NEGR1: variants seen among roughly 807,000 people sequenced by gnomAD.
NEGR1 encodes neuronal growth regulator 1, also known as IgLON family member 4.
In NEGR1, 10 loss-of-function variants were observed where a neutral mutation model predicts 40.9. The ratio of observed to expected loss-of-function variants is 0.24; its 90% CI spans 0.15 to 0.42. The LOEUF is 0.42. Among genes scored for constraint, NEGR1 ranks in the 10% least tolerant of loss-of-function variants. NEGR1 has a pLI of 1.00. For synonymous variants in NEGR1, 185 were observed against 166.8 expected (o/e 1.11, Z -0.84); for missense variants, 352 against 438.9 (o/e 0.80, Z 1.77).
In NEGR1 at chr1:71,520,280, A is replaced by T. The variant is rs544204509; in HGVS notation, c.940+72537T>A. ...GCCACAGACTAATTGCCTAGTAAAT[A>T]GTAATGCCTTTTATTTGGATTCCAC... On this transcript the variant is annotated intron_variant, in intron 6 of 6. Transcript: ENST00000357731. Among the ~76,000 whole-genome samples the T allele has an allele frequency of 2.0e-5, 3 of 152,226 alleles. No individual in the cohort carries two copies. In the South Asian group the frequency reaches 6.2e-4, roughly 32 times the overall value.
chr1:71,559,038 TATATATACAC>T (rs1450939411), intron 6 of NEGR1, among the ~76,000 whole-genome samples: 3 of 135,480 alleles, frequency 2.2e-5, no homozygotes, highest in Non-Finnish European at 4.6e-5. Flanking sequence ...TATATATATA[TATATATACAC>T]ATATATATTC....
intron 2 of NEGR1, among the ~76,000 whole-genome samples, chr1:71,795,132 T>C (rs1456960718): frequency 6.6e-6 from 1 of 151,930 alleles, no homozygotes; most frequent in African/African-American, 2.4e-5. Context: ...GAAAACAATA[T>C]AAATCTGCAA....
chr1:71,600,304 A>G (rs987499121), intron 5 of NEGR1, among the ~76,000 whole-genome samples: 1 of 152,240 alleles, frequency 6.6e-6, no homozygotes, highest in African/African-American at 2.4e-5. Flanking sequence ...GATAGTGAAC[A>G]AGGCAGAATC....
chr1:72,195,730 A>C (rs1287330224), intron 1 of NEGR1, among the ~76,000 whole-genome samples: 1 of 152,010 alleles, frequency 6.6e-6, no homozygotes, highest in Non-Finnish European at 1.5e-5. Context: ...AAATTCCTGA[A>C]AGTACAGACA....
At chr1:71,899,158 T>C (rs972774597) in intron 2 of NEGR1, among the ~76,000 whole-genome samples, 1 of 151,288 alleles carries the variant, frequency 6.6e-6, no homozygotes, top group East Asian at 1.9e-4. Flanking sequence ...TCAACCTTTG[T>C]CCCCTCCACT....
Position 71,695,149 on chromosome 1 carries a change from C to T in NEGR1, c.667+2859G>A, listed in dbSNP as rs149617900. On this transcript the variant is annotated intron_variant, in intron 4 of 6. Coordinates refer to ENST00000357731, the MANE Select transcript of NEGR1 (RefSeq NM_173808.3). ...TTAACACTTTGCAAACCTTTTATAA[C>T]AAGAAACTTTTTCAGACATACTCAC... Among the ~76,000 whole-genome samples the T allele has an allele frequency of 1.8e-4, 27 of 151,860 alleles. No homozygotes were observed. The East Asian group carries it at 5.0e-3, about 28-fold the overall frequency.
intron 1 of NEGR1, among the ~76,000 whole-genome samples, chr1:72,139,447 T>A (rs977867271): frequency 3.9e-5 from 6 of 152,010 alleles, no homozygotes; most frequent in Admixed American, 3.3e-4. Flanking sequence ...TCAAGAAATA[T>A]GTAGTAATAT....
At chr1:72,196,880 G>A (rs752440370) in intron 1 of NEGR1, among the ~76,000 whole-genome samples, 7 of 151,676 alleles carry the variant, frequency 4.6e-5, no homozygotes, top group Non-Finnish European at 1.0e-4. Flanking sequence ...TTTAATAATT[G>A]AGAATGAAAT....
chr1:71,508,704 T>C (rs58436367), intron 6 of NEGR1, among the ~76,000 whole-genome samples: 3,750 of 152,226 alleles, frequency 0.025, 160 homozygotes, highest in African/African-American at 0.086. Flanking sequence ...TAATGTATGG[T>C]GGACTACCCA....
chr1:72,262,077 G>A (rs549482439), intron 1 of NEGR1, among the ~76,000 whole-genome samples: 2 of 152,072 alleles, frequency 1.3e-5, no homozygotes, highest in East Asian at 3.9e-4. Context: ...TCACGTGGGG[G>A]AAAATGGGCA....
chr1:71,600,816 T>G (rs1220358828), intron 5 of NEGR1, among the ~76,000 whole-genome samples: 3 of 152,224 alleles, frequency 2.0e-5, no homozygotes, highest in Non-Finnish European at 2.9e-5. Context: ...AGATCAACTA[T>G]TTATTTTAGA....
intron 4 of NEGR1, among the ~76,000 whole-genome samples, chr1:71,697,319 TAG>T (rs1249258545): frequency 1.3e-5 from 2 of 151,738 alleles, no homozygotes; most frequent in African/African-American, 4.8e-5. Flanking sequence ...GATAAAGACT[TAG>T]GGGAGATTTT....
chr1:72,276,217 G>A (rs1054331098), intron 1 of NEGR1, among the ~76,000 whole-genome samples: 1 of 152,040 alleles, frequency 6.6e-6, no homozygotes, highest in Non-Finnish European at 1.5e-5. Context: ...GATTCCACTG[G>A]TTTGAGAGAC....
In NEGR1 at chr1:71,984,502, A is replaced by G. The variant is rs558059656; in HGVS notation, c.177-49191T>C. Among the ~76,000 whole-genome samples, 3 of 152,244 alleles carry G rather than the reference A, an allele frequency of 2.0e-5. No individual in the cohort carries two copies. In the South Asian group the frequency reaches 6.2e-4, roughly 32 times the overall value. The stretch of plus-strand genomic sequence containing the variant: ...AGTATGAAAAACTTAAAAATTATAG[A>G]GAAAAACAATAAAATTAAAATTTGT... On this transcript the variant is annotated intron_variant, in intron 1 of 6. Transcript: ENST00000357731.
At chr1:72,243,917 T>G (rs1159386650) in intron 1 of NEGR1, among the ~76,000 whole-genome samples, 1 of 151,824 alleles carries the variant, frequency 6.6e-6, no homozygotes, top group Admixed American at 6.6e-5. Context: ...GGTCTTAAAT[T>G]TAAACATGAA....
intron 1 of NEGR1, among the ~76,000 whole-genome samples, chr1:72,150,544 AC>A (rs1156267986): frequency 6.6e-6 from 1 of 152,196 alleles, no homozygotes; most frequent in Non-Finnish European, 1.5e-5. Flanking sequence ...ACATGAAAAT[AC>A]AGTGTCTGTT....
chr1:71,728,076 G>C (rs548389523), intron 3 of NEGR1, among the ~76,000 whole-genome samples: 112 of 152,260 alleles, frequency 7.4e-4, no homozygotes, highest in African/African-American at 2.5e-3. Context: ...CAGCATTTAG[G>C]CTCATGCTTT....
intron 6 of NEGR1, chr1:71,488,175 G>A (rs1185856232): frequency 6.6e-6 from 1 of 151,814 alleles, no homozygotes; most frequent in Non-Finnish European, 1.5e-5. Context: ...CAAGTTCACA[G>A]TGCTGGTTAC....
intron 1 of NEGR1, among the ~76,000 whole-genome samples, chr1:72,228,735 T>A (rs1654268152): frequency 6.6e-6 from 1 of 152,116 alleles, no homozygotes. Context: ...AATGGTAATG[T>A]GCTCATGTTT....
Sources: gnomAD v4.1 joint callset for allele counts (sites outside exome capture counted in the v4.1 genomes callset) on GRCh38, gnomAD v4.1.1 for gene constraint, MANE v1.5 for transcripts, NCBI Gene and HGNC (gene_info 2026-07-23, HGNC 2026-07-21) for gene names.